The following ZNF385B variants were observed in gnomAD, a reference collection of about 807,000 sequenced individuals.
ZNF385B encodes zinc finger protein 385B, also known as zinc finger protein 533.
A neutral mutation model predicts 39.2 loss-of-function variants in ZNF385B; 23 were observed. That is an observed-to-expected ratio of 0.59 (90% CI 0.42 to 0.83). ZNF385B has a LOEUF of 0.83. Ranked by LOEUF, ZNF385B falls within the 40% of genes least tolerant of loss-of-function variation. The pLI is 0.00. For missense variants in ZNF385B, 552 were observed against 598.9 expected (o/e 0.92, Z 0.82); for synonymous variants, 205 against 222.6 (o/e 0.92, Z 0.70).
At chr2:179,708,271 T>A (rs1699764754) in intron 3 of ZNF385B, among the ~76,000 whole-genome samples, 1 of 152,200 alleles carries the variant, frequency 6.6e-6, no homozygotes, top group Non-Finnish European at 1.5e-5. Flanking sequence ...TGACAATTCC[T>A]CCTTCACATG....
intron 6 of ZNF385B, among the ~76,000 whole-genome samples, chr2:179,455,197 T>C (rs1006700444): frequency 6.6e-6 from 1 of 152,226 alleles, no homozygotes; most frequent in African/African-American, 2.4e-5. Flanking sequence ...CTTATTGTTG[T>C]GTTGCAATTG....
rs1343620789 is a variant in ZNF385B at position 179,643,126 on chromosome 2, T to C, written c.299-98157A>G. Among the ~76,000 whole-genome samples, 6 of 1,284 alleles carry C rather than the reference T, an allele frequency of 4.7e-3. No individual in the cohort carries two copies. In the East Asian group the frequency reaches 0.3, roughly 64 times the overall value. The allele number at this position is 1,284 out of a possible 152,430, so 0.8% of individuals were successfully genotyped here. On this transcript the variant is annotated intron_variant, in intron 3 of 9. Coordinates refer to ENST00000410066, the MANE Select transcript of ZNF385B (RefSeq NM_152520.6). ...GAATCTATCACTTCAAGGGAAACTATTTTTGTTTTTTTTTGGTCAATTACA... is the reference window on the plus strand; with the variant it reads ...GAATCTATCACTTCAAGGGAAACTACTTTTGTTTTTTTTTGGTCAATTACA...
chr2:179,613,219 G>A (rs772947901), intron 3 of ZNF385B, among the ~76,000 whole-genome samples: 1 of 152,130 alleles, frequency 6.6e-6, no homozygotes, highest in Non-Finnish European at 1.5e-5. Context: ...CCCTCTTGGT[G>A]TTCTACCAAC....
At chr2:179,804,082 C>A (rs79114671) in intron 1 of ZNF385B, among the ~76,000 whole-genome samples, 6,609 of 152,280 alleles carry the variant, frequency 0.043, 205 homozygotes, top group Non-Finnish European at 0.066. Flanking sequence ...TTATCATCAT[C>A]TTTGCTTCTC....
At chr2:179,641,858 C>T (rs1172148413) in intron 3 of ZNF385B, among the ~76,000 whole-genome samples, 1 of 152,106 alleles carries the variant, frequency 6.6e-6, no homozygotes, top group Admixed American at 6.6e-5. Flanking sequence ...CTCTTGTGTC[C>T]TGAGATGCTT....
intron 3 of ZNF385B, among the ~76,000 whole-genome samples, chr2:179,634,766 C>T (rs183373266): frequency 0.011 from 1,749 of 152,142 alleles, 14 homozygotes; most frequent in South Asian, 0.028. Flanking sequence ...ATGTTTATTG[C>T]GCCACTATTC....
At chr2:179,569,908 G>C (rs1685021760) in intron 3 of ZNF385B, among the ~76,000 whole-genome samples, 1 of 152,166 alleles carries the variant, frequency 6.6e-6, no homozygotes, top group Non-Finnish European at 1.5e-5. Flanking sequence ...AATGAGTCAA[G>C]GAGGAGTTGA....
chr2:179,776,645 T>C (rs1559185054), intron 1 of ZNF385B, among the ~76,000 whole-genome samples: 1 of 152,022 alleles, frequency 6.6e-6, no homozygotes, highest in Non-Finnish European at 1.5e-5. Context: ...GAAAGCCATA[T>C]ATGGGAGAGT....
intron 3 of ZNF385B, among the ~76,000 whole-genome samples, chr2:179,757,880 A>C (rs945052825): frequency 6.6e-6 from 1 of 152,062 alleles, no homozygotes; most frequent in Non-Finnish European, 1.5e-5. Flanking sequence ...CTTGGCTAGG[A>C]AAGGGAATTC....
intron 1 of ZNF385B, among the ~76,000 whole-genome samples, chr2:179,775,233 A>G (rs563310560): frequency 1.3e-5 from 2 of 152,338 alleles, no homozygotes; most frequent in East Asian, 3.9e-4. Flanking sequence ...GCTATATTTG[A>G]TCCAATTCAA....
intron 5 of ZNF385B, among the ~76,000 whole-genome samples, chr2:179,492,723 C>A (rs1407573279): frequency 1.3e-5 from 2 of 151,870 alleles, no homozygotes; most frequent in Non-Finnish European, 2.9e-5. Flanking sequence ...AATTCATACT[C>A]CAAAACCGAA....
intron 3 of ZNF385B, among the ~76,000 whole-genome samples, chr2:179,545,197 C>T (rs2060154389): frequency 6.6e-6 from 1 of 152,162 alleles, no homozygotes. Context: ...CTGAGGGGTG[C>T]TCAGATTCAG....
At position 179,582,155 on chromosome 2, in the gene ZNF385B, C is replaced by T. The variant is rs56845231; in HGVS notation, c.299-37186G>A. On this transcript the variant is annotated intron_variant, in intron 3 of 9. Coordinates refer to ENST00000410066, the MANE Select transcript of ZNF385B (RefSeq NM_152520.6). ...GCTGGTTTTTAAATCAAGTACTTTT[C>T]TCATTAGATATTTTTTACACTAATA... Among the ~76,000 whole-genome samples the T allele has an allele frequency of 2.7e-4, 41 of 152,234 alleles. 1 individual carries two copies. Among genetic ancestry groups the T allele is most frequent in the African/African-American group, 7.7e-4 (32 of 41,554 alleles).
chr2:179,579,125 T>C (rs1686193205), intron 3 of ZNF385B, among the ~76,000 whole-genome samples: 1 of 152,120 alleles, frequency 6.6e-6, no homozygotes, highest in South Asian at 2.1e-4. Context: ...TGACCTCTTA[T>C]GTTGGGTTTG....
Position 179,455,324 on chromosome 2 carries a change from T to C in ZNF385B, c.716-8554A>G, listed in dbSNP as rs577943841. Among the ~76,000 whole-genome samples the C allele has an allele frequency of 1.1e-3, 171 of 152,158 alleles. 1 individual carries two copies. The highest frequency in any genetic ancestry group is 6.8e-3 in the Middle Eastern group (2 of 292). On this transcript the variant is annotated intron_variant, in intron 6 of 9. Coordinates refer to ENST00000410066, the MANE Select transcript of ZNF385B (RefSeq NM_152520.6). Reference sequence around the variant, plus strand: ...TCATCTTGAGTTATAGTTCCCATAATCTCTGTGTGTCATGGGCTGGAGCCG... The same window carrying C: ...TCATCTTGAGTTATAGTTCCCATAACCTCTGTGTGTCATGGGCTGGAGCCG...
intron 3 of ZNF385B, among the ~76,000 whole-genome samples, chr2:179,676,466 T>C (rs529341609): frequency 0.029 from 4,427 of 151,650 alleles, 221 homozygotes; most frequent in African/African-American, 0.1. Flanking sequence ...CCTCGTAATC[T>C]GCCCACCTTG....
intron 3 of ZNF385B, among the ~76,000 whole-genome samples, chr2:179,738,199 G>C (rs2106444188): frequency 6.6e-6 from 1 of 152,232 alleles, no homozygotes; most frequent in East Asian, 1.9e-4. Context: ...CTTTCTTCTT[G>C]AAAACTCTGT....
chr2:179,745,800 T>C, intron 3 of ZNF385B: 1 of 1,508,996 alleles, frequency 6.6e-7, no homozygotes, highest in Non-Finnish European at 8.9e-7. Flanking sequence ...TTCCAGTATG[T>C]GACCAGGATA....
At chr2:179,813,247 A>C (rs951097609) in intron 1 of ZNF385B, among the ~76,000 whole-genome samples, 12 of 152,300 alleles carry the variant, frequency 7.9e-5, no homozygotes, top group African/African-American at 2.6e-4. Flanking sequence ...AAGAATTCTA[A>C]CAGTGTTTGC....
Sources: gnomAD v4.1 joint callset for allele counts (sites outside exome capture counted in the v4.1 genomes callset) on GRCh38, gnomAD v4.1.1 for gene constraint, MANE v1.5 for transcripts, NCBI Gene and HGNC (gene_info 2026-07-23, HGNC 2026-07-21) for gene names.